Variants in FILIP1 observed in about 807,000 individuals in gnomAD.
The protein encoded by FILIP1 is filamin A interacting protein 1.
In FILIP1, 61 loss-of-function variants were observed where a neutral mutation model predicts 102.1. That is an observed-to-expected ratio of 0.60 (90% CI 0.49 to 0.74). The LOEUF (loss-of-function observed/expected upper bound fraction) is 0.74. Among genes scored for constraint, FILIP1 ranks in the 30% least tolerant of loss-of-function variants. FILIP1 has a pLI of 0.00. For synonymous variants in FILIP1, 491 were observed against 526.9 expected (o/e 0.93, Z 0.93); for missense variants, 1,314 against 1,441.2 (o/e 0.91, Z 1.43).
At chr6:75,456,565 CT>C (rs145044469) in intron 1 of FILIP1, among the ~76,000 whole-genome samples, 1,587 of 141,562 alleles carry the variant, frequency 0.011, 28 homozygotes, top group African/African-American at 0.036. Context: ...TTTTTCTTTT[CT>C]TTTTTTTTTT....
chr6:75,347,776 C>A lies in FILIP1; in HGVS notation c.629+5763G>T, dbSNP rs557512681. On this transcript the variant is annotated intron_variant, in intron 4 of 5. Transcript: ENST00000237172. ...GTCCCATTATCCACCAGATATATGA[C>A]CAACCCCCTGTTCATATTGACTTAA... Among the ~76,000 whole-genome samples, 3 of 152,236 alleles carry A rather than the reference C, an allele frequency of 2.0e-5. No homozygotes were observed. In the South Asian group the frequency reaches 6.2e-4, roughly 32 times the overall value.
At chr6:75,358,034 C>A (rs1031492263) in intron 3 of FILIP1, among the ~76,000 whole-genome samples, 2 of 151,928 alleles carry the variant, frequency 1.3e-5, no homozygotes, top group Admixed American at 1.3e-4. Context: ...TCTACTTGGA[C>A]GAAGTGGAAG....
At chr6:75,403,189 G>A (rs1237810995) in intron 2 of FILIP1, among the ~76,000 whole-genome samples, 1 of 152,106 alleles carries the variant, frequency 6.6e-6, no homozygotes, top group Non-Finnish European at 1.5e-5. Context: ...ATGCTTCACA[G>A]AGGAAGTGAG....
In FILIP1 at chr6:75,372,689, AAG is replaced by A. The variant is rs1562514901; in HGVS notation, c.277-9774_277-9773del. Among the ~76,000 whole-genome samples the A allele has an allele frequency of 3.1e-4, 14 of 45,552 alleles. No individual in the cohort carries two copies. In the South Asian group the frequency reaches 6.7e-3, roughly 22 times the overall value. The allele number at this position is 45,552 out of a possible 152,430, so 29.9% of individuals were successfully genotyped here. A position where few individuals can be genotyped will look rare whatever the true frequency, so the allele number is the denominator to read the frequency against. Reference sequence around the variant, plus strand: ...AGAAAGAAAGAAAGAAAGAAAGAGAAAGAAAGAGAAAGAAAGAAAGAAAGGAA... The same window carrying A: ...AGAAAGAAAGAAAGAAAGAAAGAGAAAAAGAGAAAGAAAGAAAGAAAGGAA... On this transcript the variant is annotated intron_variant, in intron 2 of 5. Coordinates refer to ENST00000237172, the MANE Select transcript of FILIP1 (RefSeq NM_015687.5).
At chr6:75,483,268 TC>T in intron 1 of FILIP1, among the ~76,000 whole-genome samples, 2 of 152,204 alleles carry the variant, frequency 1.3e-5, no homozygotes, top group Non-Finnish European at 2.9e-5. Flanking sequence ...ACAGGACAGA[TC>T]AGCTTGTTTC....
chr6:75,452,502 C>G (rs898160062), intron 1 of FILIP1, among the ~76,000 whole-genome samples: 10 of 152,090 alleles, frequency 6.6e-5, no homozygotes, highest in Non-Finnish European at 1.5e-4. Flanking sequence ...TTAATCCAGT[C>G]TATCATTGTT....
At position 75,333,218 on chromosome 6, in the gene FILIP1, T is replaced by C. The variant is rs544101042; in HGVS notation, c.630-18016A>G. 9.2e-5 allele frequency among the ~76,000 whole-genome samples: 14 copies of C among 152,302 alleles called. 1 individual carries two copies. The South Asian group carries it at 2.9e-3, about 32-fold the overall frequency. On this transcript the variant is annotated intron_variant, in intron 4 of 5. Transcript: ENST00000237172. ...TGACATTTAAAGGTCTTTTAAAAAG[T>C]TTTAAATATAAGCTTATGTAAAATT...
At chr6:75,483,061 C>T (rs1471713894) in intron 1 of FILIP1, among the ~76,000 whole-genome samples, 3 of 151,564 alleles carry the variant, frequency 2.0e-5, no homozygotes, top group African/African-American at 7.3e-5. Context: ...ACAGTATTTG[C>T]TATTGGTGAT....
chr6:75,398,206 TA>T (rs1194756902), intron 2 of FILIP1: 1 of 152,222 alleles, frequency 6.6e-6, no homozygotes, highest in Non-Finnish European at 1.5e-5. Context: ...CTTTCTCTCT[TA>T]AATACAGAGT....
intron 6 of FILIP1, among the ~76,000 whole-genome samples, chr6:75,301,189 A>G (rs1270412700): frequency 6.6e-6 from 1 of 152,240 alleles, no homozygotes; most frequent in Non-Finnish European, 1.5e-5. Context: ...TGAGGACAAC[A>G]ATATTCATCA....
At chr6:75,385,389 A>G (rs1432690409) in intron 2 of FILIP1, among the ~76,000 whole-genome samples, 1 of 152,206 alleles carries the variant, frequency 6.6e-6, no homozygotes. Context: ...GAGTGCTGGC[A>G]TACATATCAA....
intron 1 of FILIP1, among the ~76,000 whole-genome samples, chr6:75,433,070 T>G (rs1777883750): frequency 6.6e-6 from 1 of 152,248 alleles, no homozygotes; most frequent in Non-Finnish European, 1.5e-5. Flanking sequence ...CTTAATCCAG[T>G]CTATCACTGA....
chr6:75,347,157 CG>C (rs1744061438), intron 4 of FILIP1, among the ~76,000 whole-genome samples: 2 of 152,066 alleles, frequency 1.3e-5, no homozygotes, highest in African/African-American at 4.8e-5. Flanking sequence ...GTTAGGAGTG[CG>C]AAAAGTTATT....
chr6:75,460,653 GT>G (rs1378681334), intron 1 of FILIP1, among the ~76,000 whole-genome samples: 1 of 152,110 alleles, frequency 6.6e-6, no homozygotes, highest in East Asian at 1.9e-4. Flanking sequence ...GAGGTGAAAA[GT>G]TCCCCTTTTG....
chr6:75,439,667 T>C (rs73461754), intron 1 of FILIP1, among the ~76,000 whole-genome samples: 3,144 of 152,326 alleles, frequency 0.021, 114 homozygotes, highest in African/African-American at 0.073. Flanking sequence ...GAAATATTTA[T>C]GTACCACTCC....
At position 75,377,292 on chromosome 6, in the gene FILIP1, T is replaced by G. The variant is rs553305094; in HGVS notation, c.277-14375A>C. Reference sequence around the variant, plus strand: ...TTATGATTTGTGATTTGTTAACTGCTTTTCATGGGCAATATTTGGCCTTAC... The same window carrying G: ...TTATGATTTGTGATTTGTTAACTGCGTTTCATGGGCAATATTTGGCCTTAC... On this transcript the variant is annotated intron_variant, in intron 2 of 5. Transcript: ENST00000237172. 2.0e-5 allele frequency among the ~76,000 whole-genome samples: 3 copies of G among 152,348 alleles called. No homozygotes were observed. In the South Asian group the frequency reaches 6.2e-4, roughly 32 times the overall value.
rs556675139 is a variant in FILIP1 at position 75,434,996 on chromosome 6, CTGTG to C, written c.-6-20022_-6-20019del. On this transcript the variant is annotated intron_variant, in intron 1 of 5. Transcript: ENST00000237172. Reference sequence around the variant, plus strand: ...TATATGATGGATTACATTTATTGATCTGTGTATGTTGAACCAGCCTTGCATCCCA... The same window carrying C: ...TATATGATGGATTACATTTATTGATCTATGTTGAACCAGCCTTGCATCCCA... 4.6e-5 allele frequency among the ~76,000 whole-genome samples: 7 copies of C among 152,250 alleles called. No homozygotes were observed. In the East Asian group the frequency reaches 1.3e-3, roughly 29 times the overall value.
chr6:75,350,026 C>T (rs1186222497), intron 4 of FILIP1, among the ~76,000 whole-genome samples: 1 of 152,006 alleles, frequency 6.6e-6, no homozygotes, highest in Non-Finnish European at 1.5e-5. Context: ...CCCGGGAACT[C>T]GGCAAGCAAG....
intron 4 of FILIP1, among the ~76,000 whole-genome samples, chr6:75,352,418 A>G (rs1774838585): frequency 6.6e-6 from 1 of 152,174 alleles, no homozygotes; most frequent in Admixed American, 6.5e-5. Context: ...AATTTAAAAG[A>G]TACTGGGAAA....
Sources: gnomAD v4.1 joint callset for allele counts (sites outside exome capture counted in the v4.1 genomes callset) on GRCh38, gnomAD v4.1.1 for gene constraint, MANE v1.5 for transcripts, NCBI Gene and HGNC (gene_info 2026-07-23, HGNC 2026-07-21) for gene names.